DLG2: variants seen among roughly 807,000 people sequenced by gnomAD.
DLG2 encodes disks large homolog 2.
A neutral mutation model predicts 132.5 loss-of-function variants in DLG2; 45 were observed. The observed-to-expected ratio is 0.34, with a 90% CI of 0.27 to 0.44. The LOEUF is 0.44. Ranked by LOEUF, DLG2 falls within the 20% of genes least tolerant of loss-of-function variation. DLG2 has a pLI of 1.00. For synonymous variants in DLG2, 424 were observed against 419.6 expected (o/e 1.01, Z -0.13); for missense variants, 1,045 against 1,196.9 (o/e 0.87, Z 1.87).
intron 6 of DLG2, among the ~76,000 whole-genome samples, chr11:84,961,526 TTGTGTGTGTGTGTGTGTG>T (rs71465017): frequency 6.9e-5 from 10 of 143,890 alleles, no homozygotes; most frequent in Middle Eastern, 3.6e-3. Context: ...AATTGTATCT[TTGTGTGTGTGTGTGTGTG>T]TGTGTGTGTG....
At chr11:83,953,753 G>C (rs2086091917) in intron 14 of DLG2, among the ~76,000 whole-genome samples, 1 of 152,148 alleles carries the variant, frequency 6.6e-6, no homozygotes, top group African/African-American at 2.4e-5. Flanking sequence ...ATTTTCTTGA[G>C]TCACAGTATA....
In DLG2 at chr11:84,855,301, T is replaced by C. The variant is rs184669009; in HGVS notation, c.357+256360A>G. Among the ~76,000 whole-genome samples, 82 of 152,170 alleles carry C rather than the reference T, an allele frequency of 5.4e-4. 2 individuals carry two copies. The Middle Eastern group carries it at 0.014, about 25-fold the overall frequency. The stretch of plus-strand genomic sequence containing the variant: ...CTCCCATTTTGCTTCATGAGCAAGG[T>C]TTTGGTATCAAAGTGATAACCGGGA... On this transcript the variant is annotated intron_variant, in intron 6 of 27. Transcript: ENST00000376104.
At chr11:83,911,247 A>G (rs1255872802) in intron 15 of DLG2, among the ~76,000 whole-genome samples, 1 of 152,244 alleles carries the variant, frequency 6.6e-6, no homozygotes, top group South Asian at 2.1e-4. Context: ...CTGACAATAG[A>G]CAGAACTGCC....
chr11:83,456,069 T>A lies in DLG2; in HGVS notation c.*3749A>T, dbSNP rs2088915591. 1 of 152,564 alleles carries A rather than the reference T, an allele frequency of 6.6e-6. No homozygotes were observed. The highest frequency in any genetic ancestry group is 6.5e-5 in the Admixed American group (1 of 15,268). 9.5% of individuals were successfully genotyped at this position (152,564 alleles called of 1,614,324 possible). A position where few individuals can be genotyped will look rare whatever the true frequency, so the allele number is the denominator to read the frequency against. On this transcript the variant is annotated 3_prime_UTR_variant, in exon 28 of 28. Transcript: ENST00000376104. ...AGAAAGCTTATGAATGGGAAAAAAA[T>A]GTCTCTCTCCAAACCAAGGTGATGG...
intron 3 of DLG2, among the ~76,000 whole-genome samples, chr11:85,292,416 T>C (rs1259723677): frequency 6.6e-6 from 1 of 151,170 alleles, no homozygotes; most frequent in Non-Finnish European, 1.5e-5. Flanking sequence ...CTAGACCCAG[T>C]GAAAGCAAGT....
chr11:84,582,456 C>T (rs1334187113), intron 6 of DLG2, among the ~76,000 whole-genome samples: 1 of 147,468 alleles, frequency 6.8e-6, no homozygotes, highest in African/African-American at 2.5e-5. Context: ...TATGTATATG[C>T]GTATATATAC....
At chr11:84,786,177 T>C (rs899650990) in intron 6 of DLG2, among the ~76,000 whole-genome samples, 3 of 152,098 alleles carry the variant, frequency 2.0e-5, no homozygotes, top group Non-Finnish European at 2.9e-5. Flanking sequence ...TAGAAGAAGT[T>C]TGGTTTTTAT....
chr11:84,619,528 G>T (rs1042655668), intron 6 of DLG2, among the ~76,000 whole-genome samples: 1 of 151,100 alleles, frequency 6.6e-6, no homozygotes, highest in Non-Finnish European at 1.5e-5. Flanking sequence ...AAGAATAAAA[G>T]AAGAAAGAAA....
chr11:84,263,821 G>C (rs1008091334), intron 7 of DLG2, among the ~76,000 whole-genome samples: 1 of 152,154 alleles, frequency 6.6e-6, no homozygotes, highest in Non-Finnish European at 1.5e-5. Flanking sequence ...GAGAGGCAAA[G>C]ATGAAGTATG....
chr11:83,991,376 C>A (rs2093700138), intron 11 of DLG2, among the ~76,000 whole-genome samples: 1 of 152,280 alleles, frequency 6.6e-6, no homozygotes, highest in South Asian at 2.1e-4. Context: ...CCCACTCATA[C>A]CTTTAGCACA....
chr11:84,205,732 T>C (rs934262101), intron 8 of DLG2, among the ~76,000 whole-genome samples: 2 of 152,032 alleles, frequency 1.3e-5, no homozygotes, highest in Admixed American at 1.3e-4. Context: ...TAAATGCTTG[T>C]AATGGAAATC....
intron 16 of DLG2, among the ~76,000 whole-genome samples, chr11:83,841,640 A>T (rs963757228): frequency 3.9e-5 from 6 of 152,232 alleles, no homozygotes; most frequent in Non-Finnish European, 8.8e-5. Context: ...TTTTGTCTCC[A>T]ATACCTGGTA....
chr11:85,621,448 C>A (rs1252465526), intron 2 of DLG2, among the ~76,000 whole-genome samples: 5 of 152,150 alleles, frequency 3.3e-5, no homozygotes, highest in Admixed American at 2.6e-4. Context: ...CCTGATAGAT[C>A]TGGCCAAAGT....
intron 19 of DLG2, among the ~76,000 whole-genome samples, chr11:83,614,139 G>A (rs765326163): frequency 6.6e-6 from 1 of 152,244 alleles, no homozygotes; most frequent in African/African-American, 2.4e-5. Flanking sequence ...CAAATTCAGT[G>A]TAGGGTGGGG....
chr11:83,541,446 A>T (rs1336653141), intron 20 of DLG2, among the ~76,000 whole-genome samples: 1 of 152,238 alleles, frequency 6.6e-6, no homozygotes, highest in Non-Finnish European at 1.5e-5. Context: ...GTGTAAGCTG[A>T]TCCTCTTTCT....
chr11:84,492,773 G>A (rs987890037), intron 7 of DLG2, among the ~76,000 whole-genome samples: 1 of 152,084 alleles, frequency 6.6e-6, no homozygotes, highest in Non-Finnish European at 1.5e-5. Flanking sequence ...AAGAAGTGTA[G>A]CAGGCTTGGA....
At chr11:84,722,616 G>A (rs895487962) in intron 6 of DLG2, among the ~76,000 whole-genome samples, 2 of 152,154 alleles carry the variant, frequency 1.3e-5, no homozygotes, top group Non-Finnish European at 2.9e-5. Flanking sequence ...TAGGCCAGTA[G>A]AATGTCAATA....
At chr11:83,776,618 C>T (rs1248856186) in intron 18 of DLG2, among the ~76,000 whole-genome samples, 2 of 152,214 alleles carry the variant, frequency 1.3e-5, no homozygotes, top group Non-Finnish European at 2.9e-5. Flanking sequence ...GTAGAAATAA[C>T]ACAGTCCTGT....
chr11:84,480,810 C>T (rs2154493306), intron 7 of DLG2, among the ~76,000 whole-genome samples: 1 of 147,514 alleles, frequency 6.8e-6, no homozygotes, highest in East Asian at 2.0e-4. Context: ...GGCTGGAGTG[C>T]AATCGCATGA....
Sources: allele counts gnomAD v4.1 joint callset (sites outside exome capture counted in the v4.1 genomes callset), GRCh38; gene constraint gnomAD v4.1.1; transcripts MANE v1.5; gene names NCBI Gene and HGNC (gene_info 2026-07-23, HGNC 2026-07-21).